TCF7L1: variants seen among roughly 807,000 people sequenced by gnomAD.
TCF7L1 encodes transcription factor 7-like 1.
Under a neutral mutation model 63.7 loss-of-function variants are expected in TCF7L1, and 18 were observed. The observed-to-expected ratio is 0.28, with a 90% CI of 0.20 to 0.42. The LOEUF is 0.42. TCF7L1 is among the 10% of genes least tolerant of loss of function. The pLI is 1.00. For missense variants in TCF7L1, 654 were observed against 779.3 expected, an observed-to-expected ratio of 0.84 and a Z score of 1.91; for synonymous variants, 355 against 340.9, an observed-to-expected ratio of 1.04 and a Z score of -0.46.
At chr2:85,240,278 C>T (rs146480576) in intron 3 of TCF7L1, among the ~76,000 whole-genome samples, 2 of 152,344 alleles carry the variant, frequency 1.3e-5, no homozygotes, top group East Asian at 3.9e-4. Context: ...GCACCTCCCT[C>T]TCTCACAAGG....
chr2:85,180,086 T>G (rs1395662130), intron 3 of TCF7L1, among the ~76,000 whole-genome samples: 1 of 151,688 alleles, frequency 6.6e-6, no homozygotes, highest in Non-Finnish European at 1.5e-5. Flanking sequence ...CAAGGACTGT[T>G]GGAGAAAGGG....
chr2:85,306,363 A>C lies in TCF7L1; in HGVS notation c.1147A>C (p.Lys383Gln), dbSNP rs1304510316. Residue 383 changes from lysine to glutamine, a missense_variant and splice_region_variant, in exon 9 of 12, where the codon AAG (lysine) becomes CAG (glutamine). Lys to Gln is a moderately conservative substitution (Grantham distance 53). Coordinates refer to ENST00000282111, the MANE Select transcript of TCF7L1 (RefSeq NM_031283.3). The surrounding 1 kb of genome is among the most constrained non-coding windows in gnomAD (Gnocchi z 4.3). ...AGCCATTAACCAGATCCTTGGAAGA[A>C]AGGTAAGACCTGCCCTCTCCCTCCA... ...SAAINQILGRKWHNLSREEQA... is the reference protein window; with the variant it reads ...SAAINQILGRQWHNLSREEQA... The C allele has an allele frequency of 1.2e-6, 2 of 1,614,198 alleles. No homozygotes were observed.
chr2:85,163,598 A>G (rs537866157), intron 3 of TCF7L1, among the ~76,000 whole-genome samples: 1 of 152,326 alleles, frequency 6.6e-6, no homozygotes, highest in African/African-American at 2.4e-5. Flanking sequence ...GTATTTTTGT[A>G]TTAATTTGTT....
intron 5 of TCF7L1, 73 bp from the exon 6 acceptor site, chr2:85,303,822 C>T (rs921348707): frequency 8.5e-7 from 1 of 1,171,642 alleles, no homozygotes; most frequent in Admixed American, 1.9e-5. Context: ...GGGCAGGATG[C>T]TCCCATTTGA....
intron 3 of TCF7L1, among the ~76,000 whole-genome samples, chr2:85,152,852 T>C (rs1678051569): frequency 6.6e-6 from 1 of 152,242 alleles, no homozygotes; most frequent in South Asian, 2.1e-4. Flanking sequence ...ATATTTTTCA[T>C]GCTTATATTT....
At chr2:85,268,962 A>G (rs1681079768) in intron 3 of TCF7L1, among the ~76,000 whole-genome samples, 2 of 152,104 alleles carry the variant, frequency 1.3e-5, no homozygotes, top group Admixed American at 6.6e-5. Context: ...GAAAAAACAC[A>G]GGACTTGATG....
intron 3 of TCF7L1, among the ~76,000 whole-genome samples, chr2:85,210,474 G>C (rs1431730113): frequency 6.6e-6 from 1 of 152,214 alleles, no homozygotes; most frequent in African/African-American, 2.4e-5. Flanking sequence ...GGTTGGAAAA[G>C]AACAGGTAAA....
In TCF7L1 at chr2:85,302,578, C is replaced by CG; in HGVS notation, c.620_621insG (p.Pro208SerfsTer160). The CG allele has an allele frequency of 6.3e-7, 1 of 1,583,286 alleles. No individual in the cohort carries two copies. Among genetic ancestry groups the CG allele is most frequent in the Non-Finnish European group, 8.7e-7 (1 of 1,154,292 alleles). ...AATGACCACTTCTCCCCCGGCTCCC[C>CG]TCCCACCCACCTCTCCCCAGAGATC... On this transcript the variant is annotated frameshift_variant, in exon 5 of 12. Coordinates refer to ENST00000282111, the MANE Select transcript of TCF7L1 (RefSeq NM_031283.3). LOFTEE classifies it high-confidence loss of function.
intron 3 of TCF7L1, among the ~76,000 whole-genome samples, chr2:85,147,241 C>T (rs936246443): frequency 1.3e-5 from 2 of 152,190 alleles, no homozygotes; most frequent in African/African-American, 4.8e-5. Context: ...CACCTCAGGC[C>T]AAGGTTGCAG....
intron 3 of TCF7L1, among the ~76,000 whole-genome samples, chr2:85,185,035 A>G (rs1167951114): frequency 6.6e-6 from 1 of 152,178 alleles, no homozygotes; most frequent in Non-Finnish European, 1.5e-5. Context: ...CTCTGACTCC[A>G]CATCTAGAGC....
chr2:85,135,114 T>C (rs1338385392), intron 3 of TCF7L1, among the ~76,000 whole-genome samples: 1 of 152,238 alleles, frequency 6.6e-6, no homozygotes, highest in South Asian at 2.1e-4. Context: ...AACCTGTTAA[T>C]GGGCGCGTAT....
At chr2:85,258,423 G>A (rs1233507765) in intron 3 of TCF7L1, among the ~76,000 whole-genome samples, 1 of 152,184 alleles carries the variant, frequency 6.6e-6, no homozygotes, top group Non-Finnish European at 1.5e-5. Flanking sequence ...GAGATAGGGG[G>A]CTCGCGTTTG....
intron 4 of TCF7L1, among the ~76,000 whole-genome samples, chr2:85,295,525 C>G (rs1025322756): frequency 1.3e-5 from 2 of 152,072 alleles, no homozygotes; most frequent in Non-Finnish European, 2.9e-5. Context: ...TTTTAACTCC[C>G]AGAAAAGTTT....
chr2:85,149,800 C>G (rs896002684), intron 3 of TCF7L1, among the ~76,000 whole-genome samples: 4 of 152,212 alleles, frequency 2.6e-5, no homozygotes, highest in African/African-American at 9.6e-5. Context: ...GCTGGGATTA[C>G]AGGCGTGAGC....
chr2:85,183,048 C>T (rs1678840566), intron 3 of TCF7L1, among the ~76,000 whole-genome samples: 2 of 152,188 alleles, frequency 1.3e-5, no homozygotes, highest in South Asian at 4.1e-4. Flanking sequence ...AAGTCAGACA[C>T]AATGGCCCCA....
At chr2:85,238,960 C>T (rs1005537163) in intron 3 of TCF7L1, among the ~76,000 whole-genome samples, 6 of 151,996 alleles carry the variant, frequency 3.9e-5, no homozygotes, top group African/African-American at 1.5e-4. Flanking sequence ...GCTGGGACTA[C>T]AGGCGTGATC....
chr2:85,147,700 C>T (rs115475504), intron 3 of TCF7L1, among the ~76,000 whole-genome samples: 2,348 of 152,140 alleles, frequency 0.015, 51 homozygotes, highest in African/African-American at 0.053. Context: ...CACTGGCAGA[C>T]GTGGTGGTGT....
chr2:85,302,720 G>A, intron 5 of TCF7L1, 104 bp downstream of exon 5: 1 of 1,431,534 alleles, frequency 7.0e-7, no homozygotes, highest in Non-Finnish European at 9.4e-7. Flanking sequence ...TTCAAATCAT[G>A]GCTCTTTGTC....
rs187588056 is a variant in TCF7L1 at position 85,207,915 on chromosome 2, T to G, written c.441+73465T>G. ...ATTACGTCTATTAAATGCATTTTTT[T>G]TGGGGGGCGGGGACAGAGTCTTGCT... On this transcript the variant is annotated intron_variant, in intron 3 of 11. Coordinates refer to ENST00000282111, the MANE Select transcript of TCF7L1 (RefSeq NM_031283.3). Among the ~76,000 whole-genome samples the G allele has an allele frequency of 1.8e-3, 270 of 152,184 alleles. 4 individuals carry two copies. Among genetic ancestry groups the G allele is most frequent in the African/African-American group, 5.9e-3 (245 of 41,502 alleles).
Sources: allele counts gnomAD v4.1 joint callset (sites outside exome capture counted in the v4.1 genomes callset), GRCh38; gene constraint gnomAD v4.1.1; non-coding constraint Gnocchi (gnomAD v3.1); transcripts MANE v1.5; gene names NCBI Gene and HGNC (gene_info 2026-07-23, HGNC 2026-07-21).